The following ZNF33A variants were observed in gnomAD, a reference collection of about 807,000 sequenced individuals.
ZNF33A encodes the protein brain my041 protein.
In ZNF33A, 9 loss-of-function variants were observed where a neutral mutation model predicts 15.9. The ratio of observed to expected loss-of-function variants is 0.57; its 90% CI spans 0.34 to 0.99. ZNF33A has a LOEUF of 0.99. Ranked by LOEUF, ZNF33A falls within the 50% of genes least tolerant of loss-of-function variation. The pLI, the probability that ZNF33A is intolerant of heterozygous loss-of-function variation, is 0.02. For synonymous variants in ZNF33A, 294 were observed against 324.2 expected (o/e 0.91, Z 1.00); for missense variants, 843 against 941.6 (o/e 0.90, Z 1.37).
At chr10:38,039,523 C>T (rs758453898) in intron 4 of ZNF33A, 73 of 455,940 alleles carry the variant, frequency 1.6e-4, no homozygotes, top group Non-Finnish European at 2.2e-4. Context: ...CACAGCATCC[C>T]ACCTGTAATG....
At chr10:38,038,191 G>T (rs1353224419) in intron 4 of ZNF33A, among the ~76,000 whole-genome samples, 1 of 152,096 alleles carries the variant, frequency 6.6e-6, no homozygotes, top group Non-Finnish European at 1.5e-5. Flanking sequence ...GGAGTGCAAT[G>T]GTGCGATCTC....
intron 4 of ZNF33A, among the ~76,000 whole-genome samples, chr10:38,050,956 G>C (rs1236423378): frequency 6.6e-6 from 1 of 152,178 alleles, no homozygotes; most frequent in African/African-American, 2.4e-5. Context: ...ACATTGCAAA[G>C]CAAATATCCA....
At chr10:38,014,729 C>T (rs1355895508) in intron 2 of ZNF33A, among the ~76,000 whole-genome samples, 6 of 152,184 alleles carry the variant, frequency 3.9e-5, no homozygotes, top group African/African-American at 1.4e-4. Flanking sequence ...AACATCTTAG[C>T]GTCTAGTAGC....
intron 4 of ZNF33A, among the ~76,000 whole-genome samples, chr10:38,041,336 A>G (rs903509667): frequency 7.3e-5 from 11 of 151,680 alleles, no homozygotes; most frequent in Admixed American, 3.3e-4. Context: ...TGAAATTAAT[A>G]TATTTTAGTA....
At chr10:38,063,045 C>G (rs1177464959), downstream of ZNF33A, among the ~76,000 whole-genome samples, 2 of 146,226 alleles carry the variant, frequency 1.4e-5, no homozygotes, top group African/African-American at 2.5e-5. Context: ...GGAAAAGTAT[C>G]CTGTGCCGGT....
downstream of ZNF33A, among the ~76,000 whole-genome samples, chr10:38,060,348 C>T (rs528952092): frequency 2.0e-5 from 3 of 152,232 alleles, no homozygotes; most frequent in South Asian, 4.1e-4. Flanking sequence ...GGCACAATTC[C>T]TGCTTATTCC....
intron 4 of ZNF33A, among the ~76,000 whole-genome samples, chr10:38,019,900 CAATT>C (rs2064659720): frequency 6.6e-6 from 1 of 152,108 alleles, no homozygotes; most frequent in South Asian, 2.1e-4. Flanking sequence ...ACACTTAAGA[CAATT>C]ATATTTTAAA....
At chr10:38,066,265 G>T (rs2066708799), downstream of ZNF33A, among the ~76,000 whole-genome samples, 1 of 151,888 alleles carries the variant, frequency 6.6e-6, no homozygotes, top group Non-Finnish European at 1.5e-5. Flanking sequence ...AGAAACAGAA[G>T]GGTTTTTTTA....
rs1004573083 is a variant in ZNF33A at position 38,059,354 on chromosome 10, A to G, written c.*2794A>G. The G allele has an allele frequency of 6.6e-6, 1 of 152,246 alleles. No individual in the cohort carries two copies. The highest frequency in any genetic ancestry group is 2.4e-5 in the African/African-American group (1 of 41,462). The allele number at this position is 152,246 out of a possible 1,614,324, so 9.4% of individuals were successfully genotyped here. A position where few individuals can be genotyped will look rare whatever the true frequency, so the allele number is the denominator to read the frequency against. Reference sequence around the variant, plus strand: ...TTCAGCATTGTACTGGAAGTGCTATATAATGCAGTGTTAAAAAAAAAAGAA... The same window carrying G: ...TTCAGCATTGTACTGGAAGTGCTATGTAATGCAGTGTTAAAAAAAAAAGAA... On this transcript the variant is annotated 3_prime_UTR_variant, in exon 5 of 5. Coordinates refer to ENST00000432900, the MANE Select transcript of ZNF33A (RefSeq NM_006954.2).
chr10:38,053,353 C>T (rs1386782439), intron 4 of ZNF33A, among the ~76,000 whole-genome samples: 1 of 151,954 alleles, frequency 6.6e-6, no homozygotes, highest in Admixed American at 6.6e-5. Flanking sequence ...GTGCATATGA[C>T]CAGTGGTTGG....
At chr10:38,010,819 A>G (rs1229451589) in intron 1 of ZNF33A, 36 bp downstream of exon 1, 2 of 1,595,744 alleles carry the variant, frequency 1.3e-6, no homozygotes, top group Non-Finnish European at 1.7e-6. Flanking sequence ...AGAGAGAGGG[A>G]GCCCCGCGCG....
At chr10:38,026,889 A>G (rs2135596734) in intron 4 of ZNF33A, among the ~76,000 whole-genome samples, 1 of 152,166 alleles carries the variant, frequency 6.6e-6, no homozygotes, top group African/African-American at 2.4e-5. Context: ...GCAACCTCTA[A>G]TCTATTTTGT....
upstream of ZNF33A, chr10:38,010,638 G>A: frequency 1.4e-6 from 2 of 1,427,184 alleles, no homozygotes; most frequent in Non-Finnish European, 2.0e-6. Flanking sequence ...CTGTGCGCGT[G>A]GGCTCTGCGC....
downstream of ZNF33A, among the ~76,000 whole-genome samples, chr10:38,060,501 C>T (rs890743497): frequency 8.5e-5 from 13 of 152,180 alleles, no homozygotes; most frequent in African/African-American, 2.9e-4. Flanking sequence ...GCTCCCTAGT[C>T]GAACCCTGTG....
downstream of ZNF33A, among the ~76,000 whole-genome samples, chr10:38,060,366 T>A (rs949057121): frequency 4.6e-5 from 7 of 152,124 alleles, no homozygotes; most frequent in Admixed American, 3.9e-4. Context: ...TCCTAAGTAG[T>A]AAGATTTGCT....
At position 38,056,323 on chromosome 10, in the gene ZNF33A, A is replaced by G; in HGVS notation, c.2199A>G (p.Lys733=). ...AATGTGGAAAAATCTTTTACCGTAA[A>G]TCGGAACTTGCTCAACATCAGAGAT... ...CNECGKIFYR[K]SELAQHQRSH... The change falls in exon 5 of 5, where the codon AAA becomes AAG. Residue 733 remains lysine (K), a synonymous_variant. Coordinates refer to ENST00000432900, the MANE Select transcript of ZNF33A (RefSeq NM_006954.2). 1 of 1,614,158 alleles carries G rather than the reference A, an allele frequency of 6.2e-7. No homozygotes were observed. Among genetic ancestry groups the G allele is most frequent in the Non-Finnish European group, 8.5e-7 (1 of 1,179,998 alleles).
intron 4 of ZNF33A, among the ~76,000 whole-genome samples, chr10:38,038,355 G>T (rs183749265): frequency 1.4e-4 from 22 of 152,230 alleles, no homozygotes; most frequent in African/African-American, 5.1e-4. Flanking sequence ...AGCCACCTCG[G>T]CATCCCAAAG....
downstream of ZNF33A, among the ~76,000 whole-genome samples, chr10:38,066,216 T>G (rs540328422): frequency 3.3e-5 from 5 of 152,270 alleles, no homozygotes; most frequent in Admixed American, 6.5e-5. Context: ...CTTCTCCTGG[T>G]GTGATTGTGA....
chr10:38,041,302 C>T (rs945287609), intron 4 of ZNF33A, among the ~76,000 whole-genome samples: 6 of 151,418 alleles, frequency 4.0e-5, no homozygotes, highest in African/African-American at 1.5e-4. Flanking sequence ...TCATTCCACT[C>T]TCTATGATTA....
Sources: allele counts gnomAD v4.1 joint callset (sites outside exome capture counted in the v4.1 genomes callset), GRCh38; gene constraint gnomAD v4.1.1; transcripts MANE v1.5; gene names NCBI Gene and HGNC (gene_info 2026-07-23, HGNC 2026-07-21).